ECT2L: variants seen among roughly 807,000 people sequenced by gnomAD.
ECT2L encodes epithelial cell-transforming sequence 2 oncogene-like.
A neutral mutation model predicts 122.8 loss-of-function variants in ECT2L; 126 were observed. The ratio of observed to expected loss-of-function variants is 1.03; its 90% CI spans 0.89 to 1.19. The LOEUF is 1.19. Among genes scored for constraint, ECT2L ranks in the 50% most tolerant of loss-of-function variants. The probability of loss-of-function intolerance (pLI) is 0.00; values close to 1 mark genes in which losing one functional copy is unlikely to be tolerated. For synonymous variants in ECT2L, 385 were observed against 381.8 expected (o/e 1.01, Z -0.10); for missense variants, 1,012 against 1,064.1 (o/e 0.95, Z 0.68).
chr6:138,804,691 GT>G (rs1775656094), intron 1 of ECT2L, among the ~76,000 whole-genome samples: 1 of 152,078 alleles, frequency 6.6e-6, no homozygotes, highest in Non-Finnish European at 1.5e-5. Context: ...ACTCTACTGA[GT>G]CCCCTAATCC....
At chr6:138,799,513 C>A (rs1775461339) in intron 1 of ECT2L, among the ~76,000 whole-genome samples, 1 of 152,170 alleles carries the variant, frequency 6.6e-6, no homozygotes, top group South Asian at 2.1e-4. Flanking sequence ...CCTTGGCCTC[C>A]CAAAGTGCTG....
chr6:138,894,683 A>T (rs1015109593), intron 20 of ECT2L, among the ~76,000 whole-genome samples: 2 of 152,136 alleles, frequency 1.3e-5, no homozygotes, highest in African/African-American at 2.4e-5. Flanking sequence ...GACAAAGAAC[A>T]ATTATGGTCA....
intron 16 of ECT2L, among the ~76,000 whole-genome samples, chr6:138,885,076 T>A (rs1778769725): frequency 7.1e-6 from 1 of 141,368 alleles, no homozygotes; most frequent in South Asian, 2.3e-4. Context: ...TTGCCCAGGC[T>A]GGAGTGCAGT....
rs1562455485 is a variant in ECT2L, at chr6:138,817,615, AATT to A, written c.179+3016_179+3018del. Among the ~76,000 whole-genome samples, 3 of 152,220 alleles carry A rather than the reference AATT, an allele frequency of 2.0e-5. 1 individual carries two copies. Among genetic ancestry groups the A allele is most frequent in the African/African-American group, 7.2e-5 (3 of 41,460 alleles). ...CTGTCAACACAATTTTCTTTTAAAA[AATT>A]ATTCATAATCTCTATGAGATATATT... On this transcript the variant is annotated intron_variant, in intron 4 of 21. Coordinates refer to ENST00000541398, the MANE Select transcript of ECT2L (RefSeq NM_001077706.3).
At chr6:138,877,228 C>T (rs1778482236) in intron 14 of ECT2L, among the ~76,000 whole-genome samples, 1 of 152,140 alleles carries the variant, frequency 6.6e-6, no homozygotes, top group Non-Finnish European at 1.5e-5. Context: ...TCCTGCAGCC[C>T]TGAGCTCAGA....
intron 1 of ECT2L, among the ~76,000 whole-genome samples, chr6:138,806,083 A>T (rs1428228062): frequency 6.6e-6 from 1 of 152,222 alleles, no homozygotes; most frequent in African/African-American, 2.4e-5. Flanking sequence ...CTTGAAGCCC[A>T]GTCTCTTGTG....
chr6:138,836,082 G>C lies in ECT2L; in HGVS notation c.180-2270G>C, dbSNP rs114383773. Among the ~76,000 whole-genome samples, 320 of 152,146 alleles carry C rather than the reference G, an allele frequency of 2.1e-3. 1 individual carries two copies. The highest frequency in any genetic ancestry group is 7.2e-3 in the African/African-American group (299 of 41,520). On this transcript the variant is annotated intron_variant, in intron 4 of 21. Transcript: ENST00000541398. ...AATGATGCTGTGTTCTCAGTGGATC[G>C]CGTCGGGGGGCATAGCATATCAATT...
At chr6:138,881,578 T>A (rs573151052) in intron 15 of ECT2L, among the ~76,000 whole-genome samples, 1 of 151,858 alleles carries the variant, frequency 6.6e-6, no homozygotes, top group Non-Finnish European at 1.5e-5. Flanking sequence ...AAAATAATTA[T>A]ACAACTCACC....
At chr6:138,822,047 C>T (rs770211142) in intron 4 of ECT2L, among the ~76,000 whole-genome samples, 1 of 152,272 alleles carries the variant, frequency 6.6e-6, no homozygotes, top group Non-Finnish European at 1.5e-5. Flanking sequence ...TAAGCCACTA[C>T]ATTTGTGGTA....
chr6:138,837,405 G>A (rs1159996233), intron 4 of ECT2L, among the ~76,000 whole-genome samples: 1 of 151,916 alleles, frequency 6.6e-6, no homozygotes, highest in African/African-American at 2.4e-5. Context: ...CTGTGGCCAC[G>A]CCAGGCTGAG....
chr6:138,823,589 G>A, intron 4 of ECT2L: 2 of 1,429,070 alleles, frequency 1.4e-6, no homozygotes, highest in Non-Finnish European at 1.9e-6. Flanking sequence ...GCAAACGCAT[G>A]GACATCGCCA....
In ECT2L at chr6:138,839,070, G is replaced by A. The variant is rs1379949965; in HGVS notation, c.342+556G>A. 3.3e-5 allele frequency among the ~76,000 whole-genome samples: 5 copies of A among 152,272 alleles called. No individual in the cohort carries two copies. In the South Asian group the frequency reaches 6.2e-4, roughly 19 times the overall value. On this transcript the variant is annotated intron_variant, in intron 5 of 21. Coordinates refer to ENST00000541398, the MANE Select transcript of ECT2L (RefSeq NM_001077706.3). Reference sequence around the variant, plus strand: ...GCTGGGATTACAGGCATGAGCCACCGCACCCGGCCAAGGAGTTCACTTTTC... The same window carrying A: ...GCTGGGATTACAGGCATGAGCCACCACACCCGGCCAAGGAGTTCACTTTTC...
Position 138,885,772 on chromosome 6 carries a change from G to T in ECT2L, c.2201G>T (p.Arg734Leu). Reference sequence around the variant, plus strand: ...CATACCCCTGCAGAGCATGTTGACCGTGGGGACTTGACCACTGCAATTGAC... The same window carrying T: ...CATACCCCTGCAGAGCATGTTGACCTTGGGGACTTGACCACTGCAATTGAC... ...RLHTPAEHVD[R>L]GDLTTAIDQI... Residue 734 changes from arginine (R) to leucine (L), a missense_variant, in exon 18 of 22, where the codon CGT becomes CTT. Coordinates refer to ENST00000541398, the MANE Select transcript of ECT2L (RefSeq NM_001077706.3). 3 of 1,614,156 alleles carry T rather than the reference G, an allele frequency of 1.9e-6. No individual in the cohort carries two copies. The highest frequency in any genetic ancestry group is 1.7e-6 in the Non-Finnish European group (2 of 1,180,030).
chr6:138,885,489 T>C lies in ECT2L; in HGVS notation c.2029-17T>C. 1 of 1,613,342 alleles carries C rather than the reference T, an allele frequency of 6.2e-7. No individual in the cohort carries two copies. Among genetic ancestry groups the C allele is most frequent in the Non-Finnish European group, 8.5e-7 (1 of 1,179,294 alleles). On this transcript the variant is annotated splice_polypyrimidine_tract_variant and intron_variant, in intron 16 of 21. Transcript: ENST00000541398. ...ACTATCTCATAAAGTTTTGACAATATAATCCTCACCTTTTAGTGCAGAGAA... is the reference window on the plus strand; with the variant it reads ...ACTATCTCATAAAGTTTTGACAATACAATCCTCACCTTTTAGTGCAGAGAA...
At chr6:138,876,352 G>T in intron 13 of ECT2L, 120 bp from the exon 14 acceptor site, 2 of 642,990 alleles carry the variant, frequency 3.1e-6, no homozygotes, top group East Asian at 2.7e-5. Flanking sequence ...ATTGTGTGTA[G>T]GGAACACTGT....
rs539684563 is a variant in ECT2L at position 138,829,005 on chromosome 6, C to A, written c.180-9347C>A. Among the ~76,000 whole-genome samples the A allele has an allele frequency of 1.5e-4, 23 of 149,286 alleles. No individual in the cohort carries two copies. The East Asian group carries it at 2.0e-3, about 13-fold the overall frequency. On this transcript the variant is annotated intron_variant, in intron 4 of 21. Coordinates refer to ENST00000541398, the MANE Select transcript of ECT2L (RefSeq NM_001077706.3). ...TCTCACTCTGTCACTCAGGCTAAGG[C>A]GCTGGCTAAGTTTAAAATTTTTTTT...
chr6:138,902,626 G>T lies in ECT2L; in HGVS notation c.2714G>T (p.Ter905LeuextTer4). The T allele has an allele frequency of 6.2e-7, 1 of 1,613,486 alleles. No homozygotes were observed. The highest frequency in any genetic ancestry group is 1.1e-5 in the South Asian group (1 of 90,932). The change falls in exon 22 of 22, where the codon TGA becomes TTA. Residue 905 changes from the stop codon to leucine (L), a stop_lost. Transcript: ENST00000541398. ...GCAATCAAAAGCAGTATGGAGAAGTGAGACCGAACTTGAAAACTTCAGGGG... is the reference window on the plus strand; with the variant it reads ...GCAATCAAAAGCAGTATGGAGAAGTTAGACCGAACTTGAAAACTTCAGGGG... Reference protein sequence around the residue: ...RNAIKSSMEK* With the variant: ...RNAIKSSMEKL
rs114118292 is a variant in ECT2L at position 138,833,032 on chromosome 6, G to A, written c.180-5320G>A. On this transcript the variant is annotated intron_variant, in intron 4 of 21. Coordinates refer to ENST00000541398, the MANE Select transcript of ECT2L (RefSeq NM_001077706.3). The stretch of plus-strand genomic sequence containing the variant: ...CTTACCTGGCGGCAGGCGAGAGAGA[G>A]AGAGAAAAGGAGGAACTGTCAAACG... 6.3e-3 allele frequency among the ~76,000 whole-genome samples: 957 copies of A among 152,226 alleles called. 9 individuals are homozygous for A. The highest frequency in any genetic ancestry group is 0.021 in the African/African-American group (891 of 41,522).
At chr6:138,885,941 A>G in intron 18 of ECT2L, 111 bp downstream of exon 18, 2 of 1,097,348 alleles carry the variant, frequency 1.8e-6, no homozygotes, top group Non-Finnish European at 2.6e-6. Flanking sequence ...CTTCGCTTTA[A>G]AGTCTTTCAT....
Sources: gnomAD v4.1 joint callset for allele counts (sites outside exome capture counted in the v4.1 genomes callset) on GRCh38, gnomAD v4.1.1 for gene constraint, MANE v1.5 for transcripts, NCBI Gene and HGNC (gene_info 2026-07-23, HGNC 2026-07-21) for gene names.